The following TRAF3 variants were observed in gnomAD, a reference collection of about 807,000 sequenced individuals.
The protein encoded by TRAF3 is TNF receptor-associated factor 3.
Under a neutral mutation model 62.3 loss-of-function variants are expected in TRAF3, and 13 were observed. The observed-to-expected ratio is 0.21, with a 90% CI of 0.14 to 0.33. TRAF3 has a LOEUF of 0.33. Among genes scored for constraint, TRAF3 ranks in the 10% least tolerant of loss-of-function variants. TRAF3 has a pLI of 1.00. For missense variants in TRAF3, 440 were observed against 741.8 expected, an observed-to-expected ratio of 0.59 and a Z score of 4.73; for synonymous variants, 269 against 283.4, an observed-to-expected ratio of 0.95 and a Z score of 0.51.
intron 9 of TRAF3, among the ~76,000 whole-genome samples, chr14:102,891,778 C>T (rs1595401479): frequency 6.6e-6 from 1 of 151,926 alleles, no homozygotes; most frequent in South Asian, 2.1e-4. Flanking sequence ...TCTGTGGCTT[C>T]TTTTGCTCGA....
At chr14:102,875,064 G>A (rs1246311317) in intron 4 of TRAF3, among the ~76,000 whole-genome samples, 2 of 151,818 alleles carry the variant, frequency 1.3e-5, no homozygotes, top group African/African-American at 4.8e-5. Flanking sequence ...TGCTTTTTTT[G>A]GTGAAAAATG....
intron 4 of TRAF3, among the ~76,000 whole-genome samples, chr14:102,872,212 C>T (rs550123556): frequency 7.9e-4 from 121 of 152,298 alleles, no homozygotes; most frequent in African/African-American, 2.9e-3. Context: ...CTGTAATAAT[C>T]ATATCACCTG....
intron 1 of TRAF3, among the ~76,000 whole-genome samples, chr14:102,822,457 AGTAACT>A (rs1240877075): frequency 6.6e-6 from 1 of 152,226 alleles, no homozygotes; most frequent in Non-Finnish European, 1.5e-5. Flanking sequence ...TACCAATCTG[AGTAACT>A]TGAAATGCAG....
At chr14:102,886,042 G>A in intron 6 of TRAF3, 147 bp from the exon 7 acceptor site, 1 of 682,088 alleles carries the variant, frequency 1.5e-6, no homozygotes, top group Non-Finnish European at 2.6e-6. Context: ...TGACAATAAT[G>A]ACTCAGCCAT....
chr14:102,778,146 T>A (rs1897108301), intron 1 of TRAF3, among the ~76,000 whole-genome samples: 1 of 150,436 alleles, frequency 6.6e-6, no homozygotes, highest in Non-Finnish European at 1.5e-5. Context: ...TGGTCCTGAG[T>A]CATTCCGCCT....
At chr14:102,841,129 A>C (rs1007630377) in intron 2 of TRAF3, among the ~76,000 whole-genome samples, 11 of 152,376 alleles carry the variant, frequency 7.2e-5, no homozygotes, top group African/African-American at 2.6e-4. Flanking sequence ...GTTTCAGGGC[A>C]GGAAGAGAGA....
chr14:102,794,201 A>G (rs940685826), intron 1 of TRAF3, among the ~76,000 whole-genome samples: 1 of 152,024 alleles, frequency 6.6e-6, no homozygotes, highest in African/African-American at 2.4e-5. Flanking sequence ...TTTGAGATAG[A>G]GTCTCACTCT....
At chr14:102,815,146 C>T (rs1899438702) in intron 1 of TRAF3, among the ~76,000 whole-genome samples, 1 of 151,994 alleles carries the variant, frequency 6.6e-6, no homozygotes. Context: ...ACTATGTTGC[C>T]CGGGCTGGTC....
At chr14:102,892,997 A>G (rs1889807431) in intron 9 of TRAF3, among the ~76,000 whole-genome samples, 2 of 151,998 alleles carry the variant, frequency 1.3e-5, no homozygotes, top group African/African-American at 4.8e-5. Flanking sequence ...CTGGCATTTT[A>G]TTTCTGTCTT....
intron 9 of TRAF3, chr14:102,895,255 T>C (rs557514967): frequency 1.0e-4 from 35 of 337,452 alleles, no homozygotes; most frequent in African/African-American, 7.1e-4. Flanking sequence ...AGGAAAGCCT[T>C]TGCGGAGTAA....
chr14:102,787,347 T>C (rs969227332), intron 1 of TRAF3, among the ~76,000 whole-genome samples: 3 of 152,260 alleles, frequency 2.0e-5, no homozygotes, highest in African/African-American at 2.4e-5. Flanking sequence ...ATTCGTATTT[T>C]AGCACTTTTT....
chr14:102,777,564 C>T lies in TRAF3; in HGVS notation c.-268C>T, dbSNP rs1460288231. The T allele has an allele frequency of 1.4e-5, 2 of 144,658 alleles. No individual in the cohort carries two copies. Among genetic ancestry groups the T allele is most frequent in the East Asian group, 2.1e-4 (1 of 4,866 alleles). 9.0% of individuals were successfully genotyped at this position (144,658 alleles called of 1,614,324 possible). On this transcript the variant is annotated 5_prime_UTR_variant, in exon 1 of 12. Transcript: ENST00000392745. Reference sequence around the variant, plus strand: ...AGCCGGCGGCAGCCGCGGCGGCCGCCGGCTCTTCCCCGCCCCCCGCCATGG... The same window carrying T: ...AGCCGGCGGCAGCCGCGGCGGCCGCTGGCTCTTCCCCGCCCCCCGCCATGG...
At chr14:102,887,535 A>T (rs1468291201) in intron 7 of TRAF3, among the ~76,000 whole-genome samples, 1 of 152,148 alleles carries the variant, frequency 6.6e-6, no homozygotes, top group Non-Finnish European at 1.5e-5. Context: ...ATAAATGTAA[A>T]TTATTGCCAC....
At chr14:102,866,962 A>G (rs1888036063) in intron 2 of TRAF3, among the ~76,000 whole-genome samples, 1 of 152,202 alleles carries the variant, frequency 6.6e-6, no homozygotes, top group Non-Finnish European at 1.5e-5. Context: ...CAGCATATGA[A>G]AAGATGCCAA....
intron 1 of TRAF3, among the ~76,000 whole-genome samples, chr14:102,793,461 G>A (rs1897909653): frequency 6.6e-6 from 1 of 152,162 alleles, no homozygotes; most frequent in Non-Finnish European, 1.5e-5. Flanking sequence ...GCCCCCAGTT[G>A]TATTTTGACT....
intron 1 of TRAF3, among the ~76,000 whole-genome samples, chr14:102,818,766 A>G (rs987525582): frequency 2.0e-5 from 3 of 152,312 alleles, no homozygotes; most frequent in African/African-American, 4.8e-5. Flanking sequence ...TTCTGTGGCC[A>G]TGGATGATAA....
chr14:102,889,495 C>G, intron 7 of TRAF3, 65 bp from the exon 8 acceptor site: 9 of 1,521,532 alleles, frequency 5.9e-6, no homozygotes, highest in South Asian at 5.6e-5. Flanking sequence ...TATCTGTGCC[C>G]TAATATGTTT....
chr14:102,800,005 G>T (rs1258435203), intron 1 of TRAF3, among the ~76,000 whole-genome samples: 1 of 152,180 alleles, frequency 6.6e-6, no homozygotes, highest in South Asian at 2.1e-4. Context: ...TCCTTTGATG[G>T]AAAGTAGGGA....
intron 2 of TRAF3, among the ~76,000 whole-genome samples, chr14:102,837,012 C>A (rs976459355): frequency 6.6e-6 from 1 of 152,166 alleles, no homozygotes; most frequent in South Asian, 2.1e-4. Flanking sequence ...TCCCCTTGCT[C>A]TTTCCTCCTC....
Sources: allele counts gnomAD v4.1 joint callset (sites outside exome capture counted in the v4.1 genomes callset), GRCh38; gene constraint gnomAD v4.1.1; transcripts MANE v1.5; gene names NCBI Gene and HGNC (gene_info 2026-07-23, HGNC 2026-07-21).